HHIPL1: variants seen among roughly 807,000 people sequenced by gnomAD.
The protein encoded by HHIPL1 is HHIP-like protein 1.
In HHIPL1, 43 loss-of-function variants were observed where a neutral mutation model predicts 61.8. The observed-to-expected ratio is 0.70, with a 90% CI of 0.55 to 0.90. The LOEUF is 0.90. HHIPL1 is among the 40% of genes least tolerant of loss of function. The probability of loss-of-function intolerance (pLI) is 0.00; values close to 1 mark genes in which losing one functional copy is unlikely to be tolerated. For missense variants in HHIPL1, 1,056 were observed against 1,157.7 expected (o/e 0.91, Z 1.28); for synonymous variants, 482 against 515.8 (o/e 0.93, Z 0.89).
chr14:99,626,110 C>T, the HHIPL1 span, among the ~76,000 whole-genome samples: 2 of 152,042 alleles, frequency 1.3e-5, no homozygotes, highest in African/African-American at 4.8e-5. Flanking sequence ...TGTAGACTGA[C>T]TTTGACGCTA....
the HHIPL1 span, among the ~76,000 whole-genome samples, chr14:99,639,336 G>A: frequency 6.6e-6 from 1 of 152,234 alleles, no homozygotes; most frequent in African/African-American, 2.4e-5. Flanking sequence ...GGCCTTGGTT[G>A]TTTATTTTTA....
the HHIPL1 span, among the ~76,000 whole-genome samples, chr14:99,631,070 T>C: frequency 1.4e-5 from 2 of 146,746 alleles, no homozygotes; most frequent in African/African-American, 5.2e-5. Flanking sequence ...CTTTCTTTCT[T>C]TCTTTCTTTC....
chr14:99,669,335 G>A (rs1027712197), intron 7 of HHIPL1: 16 of 1,013,592 alleles, frequency 1.6e-5, no homozygotes, highest in African/African-American at 3.4e-5. Flanking sequence ...CAGTCTGAAC[G>A]TCTCTTCAAC....
rs999737966 is a variant in HHIPL1, at chr14:99,656,997, T to A, written c.903-3T>A. The A allele has an allele frequency of 1.9e-6, 3 of 1,600,406 alleles. No homozygotes were observed. The East Asian group carries it at 6.8e-5, about 36-fold the overall frequency. On this transcript the variant is annotated splice_polypyrimidine_tract_variant and splice_region_variant and intron_variant, in intron 2 of 8. Transcript: ENST00000330710. ...AGTTTTAGGGGCCCTTATCTTCCTT[T>A]AGGATAATCCTGGAGGTCAAAGAAC...
In HHIPL1 at chr14:99,676,361, C is replaced by G. The variant is rs1566819975; in HGVS notation, c.*735C>G. On this transcript the variant is annotated 3_prime_UTR_variant, in exon 9 of 9. Transcript: ENST00000330710. ...AGCATACTCAGTCCTTGTGGGTGCT[C>G]CTGGGATGGGACCAGCCTCCTCCAA... is the stretch of plus-strand genomic sequence containing the variant. 6.6e-6 allele frequency: 1 copy of G among 152,354 alleles called. No homozygotes were observed. The highest frequency in any genetic ancestry group is 1.5e-5 in the Non-Finnish European group (1 of 68,178). 9.4% of individuals were successfully genotyped at this position (152,354 alleles called of 1,614,324 possible). A position where few individuals can be genotyped will look rare whatever the true frequency, so the allele number is the denominator to read the frequency against.
At chr14:99,640,629 A>G (rs1276125571), upstream of HHIPL1, among the ~76,000 whole-genome samples, 1 of 152,138 alleles carries the variant, frequency 6.6e-6, no homozygotes, top group East Asian at 1.9e-4. Flanking sequence ...TTAGATTTGC[A>G]GAAAAATTTG....
chr14:99,662,735 T>C (rs10133513), intron 5 of HHIPL1, 141 bp from the exon 6 acceptor site: 1 of 748,786 alleles, frequency 1.3e-6, no homozygotes, highest in Admixed American at 2.8e-5. Context: ...TGAGTGGATA[T>C]GTAGATGGAT....
chr14:99,623,110 C>G, the HHIPL1 span, among the ~76,000 whole-genome samples: 3 of 152,206 alleles, frequency 2.0e-5, no homozygotes, highest in Non-Finnish European at 2.9e-5. Context: ...GGCAGCAGAG[C>G]TGGGGAAGAG....
At position 99,660,381 on chromosome 14, in the gene HHIPL1, T is replaced by A. The variant is rs767833517; in HGVS notation, c.1477T>A (p.Tyr493Asn). ...CGAGTACCCCAACCTGAACGGCCTCTACATTTTTGGGGATTTCATGAGCGG... is the reference window on the plus strand; with the variant it reads ...CGAGTACCCCAACCTGAACGGCCTCAACATTTTTGGGGATTTCATGAGCGG... ...GCEYPNLNGL[Y>N]IFGDFMSGRL... is the part of the protein sequence containing the mutation. The change falls in exon 5 of 9, where the codon TAC (tyrosine) becomes AAC (asparagine). Residue 493 changes from tyrosine (Y) to asparagine (N), a missense_variant. Tyr to Asn is a moderately radical substitution (Grantham distance 143). Transcript: ENST00000330710. This position sits in a 1 kb window ranked among gnomAD's most constrained non-coding sequence, Gnocchi z 4.9. 1.2e-6 allele frequency: 2 copies of A among 1,613,760 alleles called. No homozygotes were observed. Among genetic ancestry groups the A allele is most frequent in the African/African-American group, 1.3e-5 (1 of 75,052 alleles).
the HHIPL1 span, among the ~76,000 whole-genome samples, chr14:99,631,351 G>C: frequency 6.6e-6 from 1 of 151,996 alleles, no homozygotes; most frequent in Non-Finnish European, 1.5e-5. Flanking sequence ...GATTACAGGC[G>C]TGAGCCACCG....
At chr14:99,657,747 ACAAACAC>A in intron 3 of HHIPL1, among the ~76,000 whole-genome samples, 1 of 149,116 alleles carries the variant, frequency 6.7e-6, no homozygotes, top group African/African-American at 2.6e-5. Context: ...ACATACACAC[ACAAACAC>A]ACATACACAC....
At chr14:99,607,891 G>T in the HHIPL1 span, among the ~76,000 whole-genome samples, 1 of 152,090 alleles carries the variant, frequency 6.6e-6, no homozygotes, top group Non-Finnish European at 1.5e-5. Flanking sequence ...GAGTATATAT[G>T]CATTTATACA....
At position 99,668,981 on chromosome 14, in the gene HHIPL1, G is replaced by T; in HGVS notation, c.1730+678G>T. On this transcript the variant is annotated intron_variant, in intron 7 of 8. Transcript: ENST00000330710. The surrounding 1 kb of genome is among the most constrained non-coding windows in gnomAD (Gnocchi z 4.7). ...GGGCCCAGGGCCAGGGTGGGGCCCA[G>T]GCCACTGGCTCCAGAGCCCTGCCCT... is the stretch of plus-strand genomic sequence containing the variant. 1 of 1,574,230 alleles carries T rather than the reference G, an allele frequency of 6.4e-7. No individual in the cohort carries two copies.
rs1377369181 is a variant in HHIPL1 at position 99,668,117 on chromosome 14, G to T, written c.1649-105G>T. ...ATGCCTCACGTGATGGCTAGCTGGG[G>T]TTGGGGTCTATTTCCAAGCCTGCAG... On this transcript the variant is annotated intron_variant, in intron 6 of 8. Coordinates refer to ENST00000330710, the MANE Select transcript of HHIPL1 (RefSeq NM_001127258.3). This position sits in a 1 kb window ranked among gnomAD's most constrained non-coding sequence, Gnocchi z 4.7. The T allele has an allele frequency of 6.6e-6, 5 of 755,588 alleles. No homozygotes were observed. The highest frequency in any genetic ancestry group is 6.2e-4 in the Middle Eastern group (2 of 3,238). 46.8% of individuals were successfully genotyped at this position (755,588 alleles called of 1,614,324 possible).
chr14:99,642,478 G>T (rs1042470606), upstream of HHIPL1, among the ~76,000 whole-genome samples: 1 of 151,816 alleles, frequency 6.6e-6, no homozygotes, highest in Non-Finnish European at 1.5e-5. Context: ...TTGTCAGCTC[G>T]GCAAGGGCAT....
At chr14:99,621,802 A>G in the HHIPL1 span, among the ~76,000 whole-genome samples, 1 of 128,078 alleles carries the variant, frequency 7.8e-6, no homozygotes, top group Non-Finnish European at 1.5e-5. Flanking sequence ...TGCAACCTCT[A>G]CCTCCCAGGT....
the HHIPL1 span, among the ~76,000 whole-genome samples, chr14:99,628,877 G>A: frequency 1.3e-5 from 2 of 152,216 alleles, no homozygotes; most frequent in Admixed American, 1.3e-4. Flanking sequence ...GTGGCAGGAG[G>A]ATGGAAGACG....
chr14:99,637,109 AAG>A, the HHIPL1 span, among the ~76,000 whole-genome samples: 2,744 of 101,392 alleles, frequency 0.027, 282 homozygotes, highest in African/African-American at 0.081. Context: ...GGAAAAAAGA[AAG>A]AAAGAAAGAA....
chr14:99,625,868 C>T, the HHIPL1 span: 7 of 152,228 alleles, frequency 4.6e-5, no homozygotes, highest in African/African-American at 9.7e-5. Flanking sequence ...GAGCCCAAAG[C>T]CTGGTGCTTG....
Sources: allele counts gnomAD v4.1 joint callset (sites outside exome capture counted in the v4.1 genomes callset), GRCh38; gene constraint gnomAD v4.1.1; non-coding constraint Gnocchi (gnomAD v3.1); transcripts MANE v1.5; gene names NCBI Gene and HGNC (gene_info 2026-07-23, HGNC 2026-07-21).